RNF170: variants seen among roughly 807,000 people sequenced by gnomAD.
RNF170 encodes E3 ubiquitin-protein ligase RNF170.
A neutral mutation model predicts 32.7 loss-of-function variants in RNF170; 12 were observed. The ratio of observed to expected loss-of-function variants is 0.37; its 90% CI spans 0.24 to 0.60. The LOEUF (loss-of-function observed/expected upper bound fraction) is 0.60. Among genes scored for constraint, RNF170 ranks in the 20% least tolerant of loss-of-function variants. The pLI is 0.72. For synonymous variants in RNF170, 91 were observed against 103.6 expected (o/e 0.88, Z 0.74); for missense variants, 212 against 311.2 (o/e 0.68, Z 2.40).
In RNF170 at chr8:42,887,851, T is replaced by C. The variant is rs573242694; in HGVS notation, c.14A>G (p.Gln5Arg). Reference protein sequence around the residue: MAKYQGEVQSLKLDD... With the variant: MAKYRGEVQSLKLDD... ...CAGTTTCAAACTTTGAACTTCACCT[T>C]GATATTTGGCCATTCCAGGTCTAAA... Residue 5 changes from glutamine (Q) to arginine (R), a missense_variant, in exon 2 of 7, where the codon CAA becomes CGA. Around this residue, in one of 2 missense-constraint regions of RNF170, gnomAD observed 115 missense variants for 132.3 expected, o/e 0.87. Transcript: ENST00000527424. The C allele has an allele frequency of 6.2e-7, 1 of 1,613,936 alleles. No individual in the cohort carries two copies. The highest frequency in any genetic ancestry group is 2.2e-5 in the East Asian group (1 of 44,876).
At chr8:42,858,086 G>A (rs1422871284) in intron 6 of RNF170, among the ~76,000 whole-genome samples, 2 of 152,252 alleles carry the variant, frequency 1.3e-5, no homozygotes, top group South Asian at 2.1e-4. Context: ...TTAAAGTTTA[G>A]TGGTAGCTCT....
At position 42,855,010 on chromosome 8, in the gene RNF170, C is replaced by T. The variant is rs1365141669; in HGVS notation, c.*1149G>A. The T allele has an allele frequency of 3.7e-5, 47 of 1,287,068 alleles. No homozygotes were observed. Among genetic ancestry groups the T allele is most frequent in the Non-Finnish European group, 3.7e-5 (37 of 988,712 alleles). The allele number at this position is 1,287,068 out of a possible 1,614,324, so 79.7% of individuals were successfully genotyped here. ...AATTTCTTTTGTCAAATGTAAATAC[C>T]GTTCCCAGTACCTTCCTATTGGCTT... is the stretch of plus-strand genomic sequence containing the variant. On this transcript the variant is annotated 3_prime_UTR_variant, in exon 7 of 7. Coordinates refer to ENST00000527424, the MANE Select transcript of RNF170 (RefSeq NM_030954.4).
chr8:42,851,428 G>A (rs1190512259), downstream of RNF170, among the ~76,000 whole-genome samples: 1 of 151,904 alleles, frequency 6.6e-6, no homozygotes, highest in Non-Finnish European at 1.5e-5. Context: ...AGTTGGGTGT[G>A]GTGGTGGGCA....
chr8:42,853,529 G>C lies in RNF170; in HGVS notation c.*2630C>G, dbSNP rs1361649257. 2 of 1,286,942 alleles carry C rather than the reference G, an allele frequency of 1.6e-6. No homozygotes were observed. The highest frequency in any genetic ancestry group is 3.0e-5 in the African/African-American group (2 of 65,744). 79.7% of individuals were successfully genotyped at this position (1,286,942 alleles called of 1,614,324 possible). A position where few individuals can be genotyped will look rare whatever the true frequency, so the allele number is the denominator to read the frequency against. On this transcript the variant is annotated 3_prime_UTR_variant, in exon 7 of 7. Coordinates refer to ENST00000527424, the MANE Select transcript of RNF170 (RefSeq NM_030954.4). Reference sequence around the variant, plus strand: ...GGCAGTTAGAACAGTTGTTTTCCCCGTCTTGTTCCCCACAGAGCTGCCCAA... The same window carrying C: ...GGCAGTTAGAACAGTTGTTTTCCCCCTCTTGTTCCCCACAGAGCTGCCCAA...
chr8:42,850,910 T>C (rs1031644401), downstream of RNF170: 2 of 1,551,658 alleles, frequency 1.3e-6, no homozygotes, highest in Non-Finnish European at 1.7e-6. Flanking sequence ...CATCCGACTG[T>C]ACAGGCAGGA....
Position 42,856,399 on chromosome 8 carries a change from A to T in RNF170, c.537T>A (p.Thr179=). The T allele has an allele frequency of 6.2e-7, 1 of 1,610,988 alleles. No individual in the cohort carries two copies. Among genetic ancestry groups the T allele is most frequent in the African/African-American group, 1.3e-5 (1 of 74,834 alleles). Residue 179 remains threonine, a synonymous_variant, in exon 7 of 7, where the codon ACT becomes ACA. Transcript: ENST00000527424. ...TTTCCCTGAATGCATGCCTCAGTAAAGTGGGTAGATCCATAATTCTCTCCA... is the reference window on the plus strand; with the variant it reads ...TTTCCCTGAATGCATGCCTCAGTAATGTGGGTAGATCCATAATTCTCTCCA... The part of the protein sequence containing the change: ...SIMERIMDLP[T]LLRHAFREMF...
In RNF170 at chr8:42,853,827, T is replaced by C; in HGVS notation, c.*2332A>G. On this transcript the variant is annotated 3_prime_UTR_variant, in exon 7 of 7. Transcript: ENST00000527424. ...ACCCTTTTCACAATTTAGGAAGCTT[T>C]AAGATCATTTAGTATTTTTTTATGT... 1 of 1,287,136 alleles carries C rather than the reference T, an allele frequency of 7.8e-7. No homozygotes were observed. The highest frequency in any genetic ancestry group is 1.5e-5 in the African/African-American group (1 of 65,926). The allele number at this position is 1,287,136 out of a possible 1,614,324, so 79.7% of individuals were successfully genotyped here. A position where few individuals can be genotyped will look rare whatever the true frequency, so the allele number is the denominator to read the frequency against.
At chr8:42,873,218 G>T (rs113903765) in intron 3 of RNF170, among the ~76,000 whole-genome samples, 1 of 151,620 alleles carries the variant, frequency 6.6e-6, no homozygotes, top group Non-Finnish European at 1.5e-5. Flanking sequence ...TTGTGAGGCC[G>T]AGGTGAGAGG....
At chr8:42,891,488 T>C (rs1183085130) in intron 1 of RNF170, among the ~76,000 whole-genome samples, 1 of 152,218 alleles carries the variant, frequency 6.6e-6, no homozygotes, top group East Asian at 1.9e-4. Flanking sequence ...AGGGGTCTCA[T>C]GACAGTTACA....
At chr8:42,873,293 CAA>C (rs397891337) in intron 3 of RNF170, among the ~76,000 whole-genome samples, 5 of 70,016 alleles carry the variant, frequency 7.1e-5, no homozygotes, top group African/African-American at 1.5e-4. Context: ...CTCTTTTTTA[CAA>C]AAAAAAAAAA....
chr8:42,875,580 T>C (rs556244158), intron 2 of RNF170, among the ~76,000 whole-genome samples: 1 of 152,334 alleles, frequency 6.6e-6, no homozygotes, highest in Admixed American at 6.5e-5. Flanking sequence ...ACCTGTTAAA[T>C]CTTATTTTGT....
chr8:42,868,601 T>TC (rs1408191674), intron 4 of RNF170, among the ~76,000 whole-genome samples: 1 of 152,154 alleles, frequency 6.6e-6, no homozygotes, highest in Non-Finnish European at 1.5e-5. Flanking sequence ...ACATCTGTGA[T>TC]CCCAGCACTT....
intron 4 of RNF170, among the ~76,000 whole-genome samples, chr8:42,869,498 A>G (rs1027060800): frequency 6.6e-6 from 1 of 152,206 alleles, no homozygotes; most frequent in African/African-American, 2.4e-5. Flanking sequence ...AGGTTGAGAG[A>G]GACAGAGACA....
At chr8:42,868,767 G>A (rs771528295) in intron 4 of RNF170, among the ~76,000 whole-genome samples, 4 of 150,460 alleles carry the variant, frequency 2.7e-5, no homozygotes, top group African/African-American at 4.9e-5. Context: ...CAGGAGAATC[G>A]TTTGAACCTG....
At chr8:42,873,070 T>C (rs974019600) in intron 3 of RNF170, among the ~76,000 whole-genome samples, 1 of 152,078 alleles carries the variant, frequency 6.6e-6, no homozygotes, top group African/African-American at 2.4e-5. Context: ...AGCTTTTGTA[T>C]TTTTAGTAGA....
intron 1 of RNF170, among the ~76,000 whole-genome samples, chr8:42,894,287 G>A (rs916311174): frequency 3.3e-5 from 5 of 152,114 alleles, no homozygotes; most frequent in African/African-American, 4.8e-5. Context: ...TTGAAAACCG[G>A]GGCCACTGGA....
intron 6 of RNF170, among the ~76,000 whole-genome samples, chr8:42,860,713 G>A (rs1683493329): frequency 6.7e-6 from 1 of 148,990 alleles, no homozygotes; most frequent in Non-Finnish European, 1.5e-5. Context: ...GTGAGCCACT[G>A]TGCCCGGCCT....
intron 2 of RNF170, 94 bp downstream of exon 2, chr8:42,887,634 A>G (rs1023540028): frequency 9.0e-7 from 1 of 1,116,866 alleles, no homozygotes; most frequent in African/African-American, 1.5e-5. Context: ...GAGATCTGTT[A>G]CTTGCTGTTC....
chr8:42,896,301 G>A, intron 1 of RNF170, 183 bp downstream of exon 1: 1 of 356,160 alleles, frequency 2.8e-6, no homozygotes. Flanking sequence ...CGGCGACTCC[G>A]GACAGCCGCG....
Sources: allele counts gnomAD v4.1 joint callset (sites outside exome capture counted in the v4.1 genomes callset), GRCh38; gene constraint gnomAD v4.1.1; regional missense constraint gnomAD v4.1.1; transcripts MANE v1.5; gene names NCBI Gene and HGNC (gene_info 2026-07-23, HGNC 2026-07-21).